The following CERS6 variants were observed in gnomAD, a reference collection of about 807,000 sequenced individuals.
CERS6 encodes the protein ceramide synthase 6.
CERS6 carries 26 observed loss-of-function variants against 56.8 expected under a neutral mutation model. The ratio of observed to expected loss-of-function variants is 0.46; its 90% CI spans 0.34 to 0.63. CERS6 has a LOEUF of 0.63. Among genes scored for constraint, CERS6 ranks in the 30% least tolerant of loss-of-function variants. The pLI is 0.01. For synonymous variants in CERS6, 164 were observed against 173.3 expected, an observed-to-expected ratio of 0.95 and a Z score of 0.42; for missense variants, 415 against 467.5, an observed-to-expected ratio of 0.89 and a Z score of 1.04.
Position 168,769,719 on chromosome 2 carries a change from A to G in CERS6, c.*57A>G, listed in dbSNP as rs1423013247. ...AACTATTTGTTCCTGGAAGTATTTA[A>G]TAAGTTGCAAATGCAGTTCCTTTCA... On this transcript the variant is annotated 3_prime_UTR_variant, in exon 10 of 10. Transcript: ENST00000305747. The G allele has an allele frequency of 2.6e-6, 4 of 1,563,294 alleles. No individual in the cohort carries two copies. The highest frequency in any genetic ancestry group is 1.9e-5 in the Admixed American group (1 of 52,412).
intron 8 of CERS6, among the ~76,000 whole-genome samples, chr2:168,726,328 A>G (rs1211247767): frequency 6.6e-6 from 1 of 152,202 alleles, no homozygotes. Flanking sequence ...CCTTTCTACA[A>G]TACAATATTC....
chr2:168,510,093 T>TAA (rs10629640), intron 1 of CERS6, among the ~76,000 whole-genome samples: 3,262 of 139,980 alleles, frequency 0.023, 130 homozygotes, highest in East Asian at 0.19. Flanking sequence ...TAATAATTGG[T>TAA]AAAAAAAAAA....
rs1684958615 is a variant in CERS6, at chr2:168,774,719, A to G, written c.*5057A>G. The stretch of plus-strand genomic sequence containing the variant: ...TGAAACTTTAACTTAGAGCTTCATT[A>G]CTTTAAGAATGGAAAACAACCTCTG... On this transcript the variant is annotated 3_prime_UTR_variant, in exon 10 of 10. Coordinates refer to ENST00000305747, the MANE Select transcript of CERS6 (RefSeq NM_203463.3). 1 of 152,110 alleles carries G rather than the reference A, an allele frequency of 6.6e-6. No homozygotes were observed. The highest frequency in any genetic ancestry group is 1.5e-5 in the Non-Finnish European group (1 of 68,034). 9.4% of individuals were successfully genotyped at this position (152,110 alleles called of 1,614,324 possible).
intron 4 of CERS6, among the ~76,000 whole-genome samples, chr2:168,661,521 T>C (rs1160572003): frequency 6.6e-6 from 1 of 152,242 alleles, no homozygotes; most frequent in Non-Finnish European, 1.5e-5. Flanking sequence ...GAAGACACTT[T>C]ACATTTCTTA....
At chr2:168,637,154 C>T (rs1282354794) in intron 4 of CERS6, among the ~76,000 whole-genome samples, 1 of 152,100 alleles carries the variant, frequency 6.6e-6, no homozygotes. Context: ...TATATTTTGA[C>T]CTGGCACTCC....
At chr2:168,651,464 C>G (rs1035305652) in intron 4 of CERS6, among the ~76,000 whole-genome samples, 3 of 152,156 alleles carry the variant, frequency 2.0e-5, no homozygotes, top group Non-Finnish European at 4.4e-5. Context: ...CGTTTTCATA[C>G]TTGCTGTAAA....
At chr2:168,706,238 G>A (rs971557066) in intron 6 of CERS6, among the ~76,000 whole-genome samples, 1 of 152,184 alleles carries the variant, frequency 6.6e-6, no homozygotes, top group Non-Finnish European at 1.5e-5. Flanking sequence ...CTCTGGCCAG[G>A]CCCATCAGAA....
At chr2:168,756,771 G>A (rs1684426324) in intron 8 of CERS6, among the ~76,000 whole-genome samples, 1 of 152,194 alleles carries the variant, frequency 6.6e-6, no homozygotes, top group Non-Finnish European at 1.5e-5. Context: ...GCCTAGACCA[G>A]CAGACAGGTA....
intron 4 of CERS6, among the ~76,000 whole-genome samples, chr2:168,637,181 T>A (rs575044723): frequency 1.3e-5 from 2 of 152,248 alleles, no homozygotes; most frequent in South Asian, 4.1e-4. Context: ...TATGAACTTA[T>A]CTTTAATAAA....
chr2:168,749,491 C>A (rs1684199011), intron 8 of CERS6, among the ~76,000 whole-genome samples: 1 of 152,184 alleles, frequency 6.6e-6, no homozygotes, highest in South Asian at 2.1e-4. Flanking sequence ...GTCTCCACCC[C>A]TTATTCAACG....
intron 3 of CERS6, among the ~76,000 whole-genome samples, chr2:168,580,749 T>TG (rs960925282): frequency 6.6e-6 from 1 of 152,318 alleles, no homozygotes; most frequent in Non-Finnish European, 1.5e-5. Flanking sequence ...TCCTCATTCT[T>TG]GAAGATTTTT....
chr2:168,627,858 T>G (rs1204017101), intron 3 of CERS6, among the ~76,000 whole-genome samples: 2 of 152,128 alleles, frequency 1.3e-5, no homozygotes, highest in Non-Finnish European at 2.9e-5. Flanking sequence ...TCATCTTTGG[T>G]TCATTTCTCT....
At chr2:168,710,938 G>A (rs1214020442) in intron 6 of CERS6, among the ~76,000 whole-genome samples, 1 of 152,190 alleles carries the variant, frequency 6.6e-6, no homozygotes, top group Non-Finnish European at 1.5e-5. Context: ...TTCTGCCATG[G>A]GCAGTTAGAA....
intron 4 of CERS6, among the ~76,000 whole-genome samples, chr2:168,665,270 A>G (rs1295894420): frequency 1.3e-5 from 2 of 152,172 alleles, no homozygotes; most frequent in African/African-American, 2.4e-5. Context: ...TAGACTTCCC[A>G]TGATACTAGC....
At chr2:168,697,081 A>G (rs1218738292) in intron 6 of CERS6, among the ~76,000 whole-genome samples, 1 of 152,174 alleles carries the variant, frequency 6.6e-6, no homozygotes, top group Non-Finnish European at 1.5e-5. Context: ...TGGGCCTACT[A>G]CTACCCAAGT....
intron 8 of CERS6, among the ~76,000 whole-genome samples, chr2:168,739,687 A>G (rs892831341): frequency 1.3e-5 from 2 of 151,758 alleles, no homozygotes; most frequent in African/African-American, 4.8e-5. Context: ...AAATAGTGGA[A>G]TCCTCAATTA....
intron 8 of CERS6, among the ~76,000 whole-genome samples, chr2:168,742,396 G>C (rs977267822): frequency 6.6e-6 from 1 of 152,188 alleles, no homozygotes; most frequent in African/African-American, 2.4e-5. Flanking sequence ...AGCCCTGTTT[G>C]GTCTATGCTT....
intron 4 of CERS6, among the ~76,000 whole-genome samples, chr2:168,631,728 T>G (rs1684743560): frequency 8.3e-6 from 1 of 121,122 alleles, no homozygotes. Flanking sequence ...TATATTTATA[T>G]TATATATAAC....
intron 3 of CERS6, 124 bp from the exon 4 acceptor site, chr2:168,630,861 A>C (rs1684698680): frequency 2.2e-6 from 1 of 461,322 alleles, no homozygotes; most frequent in African/African-American, 2.0e-5. Context: ...CATTAAGTTT[A>C]ATCCTTAGTT....
Sources: allele counts gnomAD v4.1 joint callset (sites outside exome capture counted in the v4.1 genomes callset), GRCh38; gene constraint gnomAD v4.1.1; transcripts MANE v1.5; gene names NCBI Gene and HGNC (gene_info 2026-07-23, HGNC 2026-07-21).